Variants in EPM2A observed in about 807,000 individuals in gnomAD.
The protein encoded by EPM2A is laforin.
In EPM2A, 21 loss-of-function variants were observed where a neutral mutation model predicts 26.5. That is an observed-to-expected ratio of 0.79 (90% confidence interval 0.56 to 1.14). EPM2A has a LOEUF of 1.14. EPM2A is among the 50% of genes most tolerant of loss of function. The pLI, the probability that EPM2A is intolerant of heterozygous loss-of-function variation, is 0.00. For missense variants in EPM2A, 458 were observed against 440.8 expected (o/e 1.04, Z -0.35); for synonymous variants, 217 against 177.6 (o/e 1.22, Z -1.76).
chr6:145,551,440 G>A (rs1030518694), intron 2 of EPM2A, among the ~76,000 whole-genome samples: 1 of 151,850 alleles, frequency 6.6e-6, no homozygotes, highest in East Asian at 1.9e-4. Context: ...CTAGTAAAAG[G>A]TTCCTTTAAA....
intron 2 of EPM2A, among the ~76,000 whole-genome samples, chr6:145,660,961 G>C (rs1210273638): frequency 6.6e-6 from 1 of 152,012 alleles, no homozygotes; most frequent in Non-Finnish European, 1.5e-5. Flanking sequence ...AGTTAATAAA[G>C]TATCAAGAAG....
intron 2 of EPM2A, among the ~76,000 whole-genome samples, chr6:145,558,244 G>A (rs1314315750): frequency 3.3e-5 from 5 of 151,910 alleles, no homozygotes; most frequent in Non-Finnish European, 7.4e-5. Context: ...GAACAGTTTG[G>A]GGGCATGATC....
At chr6:145,615,819 T>C (rs2128552907) in intron 2 of EPM2A, among the ~76,000 whole-genome samples, 1 of 150,864 alleles carries the variant, frequency 6.6e-6, no homozygotes, top group African/African-American at 2.4e-5. Context: ...TATGGAACTT[T>C]GAACTTGACA....
Position 145,627,592 on chromosome 6 carries a change from T to C in EPM2A, c.820A>G (p.Thr274Ala), listed in dbSNP as rs1428501712. Residue 274 changes from threonine (T) to alanine (A), a missense_variant, in exon 4 of 4, where the codon ACC (threonine) becomes GCC (alanine). Coordinates refer to ENST00000367519, the MANE Select transcript of EPM2A (RefSeq NM_005670.4). ...VHCNAGVGRSTAAVCGWLQYV... is the reference protein window; with the variant it reads ...VHCNAGVGRSAAAVCGWLQYV... Reference sequence around the variant, plus strand: ...TGGAGCCAGCCGCAGACAGCCGCGGTGGAGCGGCCCACCCCAGCGTTGCAG... The same window carrying C: ...TGGAGCCAGCCGCAGACAGCCGCGGCGGAGCGGCCCACCCCAGCGTTGCAG... 2 of 1,614,100 alleles carry C rather than the reference T, an allele frequency of 1.2e-6. No individual in the cohort carries two copies. Among genetic ancestry groups the C allele is most frequent in the African/African-American group, 2.7e-5 (2 of 74,944 alleles).
chr6:145,455,060 C>T (rs1259920632), intron 4 of EPM2A, among the ~76,000 whole-genome samples: 1 of 146,712 alleles, frequency 6.8e-6, no homozygotes, highest in Non-Finnish European at 1.6e-5. Flanking sequence ...CACACATATA[C>T]ACTTATTTAT....
At chr6:145,699,497 G>T (rs1049811231) in intron 1 of EPM2A, among the ~76,000 whole-genome samples, 2 of 152,158 alleles carry the variant, frequency 1.3e-5, no homozygotes, top group African/African-American at 4.8e-5. Flanking sequence ...ATCAGTATGG[G>T]CTAGAATTAC....
intron 4 of EPM2A, chr6:145,490,161 C>A: frequency 9.5e-7 from 1 of 1,052,158 alleles, no homozygotes; most frequent in East Asian, 2.4e-5. Context: ...ACTGAAAGAA[C>A]TTCTTCCATT....
At position 145,717,891 on chromosome 6, in the gene EPM2A, C is replaced by T. The variant is rs1775725014; in HGVS notation, c.301+17307G>A. Among the ~76,000 whole-genome samples, 8 of 151,526 alleles carry T rather than the reference C, an allele frequency of 5.3e-5. No individual in the cohort carries two copies. In the Admixed American group the frequency reaches 5.3e-4, roughly 10 times the overall value. ...CAATTCCTTCAAAGAGAATAAAATA[C>T]CTAGGAATCCAACTTACAAGGGATG... is the stretch of plus-strand genomic sequence containing the variant. On this transcript the variant is annotated intron_variant, in intron 1 of 3. Transcript: ENST00000367519.
At chr6:145,562,065 A>G (rs1780812975) in intron 2 of EPM2A, among the ~76,000 whole-genome samples, 1 of 151,880 alleles carries the variant, frequency 6.6e-6, no homozygotes, top group Non-Finnish European at 1.5e-5. Flanking sequence ...AATTTTTCCA[A>G]AAAATATACA....
At chr6:145,713,450 T>C (rs1319395947) in intron 1 of EPM2A, among the ~76,000 whole-genome samples, 3 of 152,212 alleles carry the variant, frequency 2.0e-5, no homozygotes, top group African/African-American at 7.2e-5. Flanking sequence ...TACATATGTG[T>C]GTATCTTCCA....
chr6:145,396,156 C>T (rs1216471771), intron 4 of EPM2A, among the ~76,000 whole-genome samples: 1 of 152,128 alleles, frequency 6.6e-6, no homozygotes, highest in Non-Finnish European at 1.5e-5. Flanking sequence ...AGTCCAGAGA[C>T]ATTTCTCTGA....
At chr6:145,695,020 C>T (rs1781492269) in intron 1 of EPM2A, among the ~76,000 whole-genome samples, 1 of 151,916 alleles carries the variant, frequency 6.6e-6, no homozygotes, top group African/African-American at 2.4e-5. Flanking sequence ...TAGTCTTTTG[C>T]TTGAAAGGTG....
intron 2 of EPM2A, among the ~76,000 whole-genome samples, chr6:145,564,533 G>A (rs1314475410): frequency 1.3e-5 from 2 of 152,182 alleles, no homozygotes; most frequent in Non-Finnish European, 1.5e-5. Flanking sequence ...GCCACTGTAT[G>A]ATCAGTTAGC....
intron 1 of EPM2A, among the ~76,000 whole-genome samples, chr6:145,710,654 A>G (rs1019668009): frequency 2.0e-5 from 3 of 152,152 alleles, no homozygotes; most frequent in Non-Finnish European, 2.9e-5. Flanking sequence ...TCATGCTGCT[A>G]TAAAGACACA....
chr6:145,391,191 A>C (rs1040065948), intron 4 of EPM2A, among the ~76,000 whole-genome samples: 1 of 152,126 alleles, frequency 6.6e-6, no homozygotes, highest in Admixed American at 6.6e-5. Context: ...GCTAACCACC[A>C]TTAAGCTTTC....
chr6:145,431,712 T>G (rs1052628263), intron 4 of EPM2A, among the ~76,000 whole-genome samples: 1 of 152,222 alleles, frequency 6.6e-6, no homozygotes, highest in Admixed American at 6.5e-5. Flanking sequence ...TTACTGAAGA[T>G]GAGTGTGACT....
chr6:145,475,618 A>T (rs1234423403), intron 4 of EPM2A, among the ~76,000 whole-genome samples: 1 of 152,124 alleles, frequency 6.6e-6, no homozygotes, highest in Non-Finnish European at 1.5e-5. Flanking sequence ...ATCATTAAAA[A>T]AAAAAATTTA....
chr6:145,723,210 A>G (rs1299529671), intron 1 of EPM2A, among the ~76,000 whole-genome samples: 1 of 152,182 alleles, frequency 6.6e-6, no homozygotes, highest in Non-Finnish European at 1.5e-5. Flanking sequence ...CAAATGAAAG[A>G]GTGGAGTAAA....
intron 4 of EPM2A, among the ~76,000 whole-genome samples, chr6:145,485,537 A>G (rs6934750): frequency 0.066 from 9,975 of 152,152 alleles, 1,076 homozygotes; most frequent in African/African-American, 0.22. Flanking sequence ...GAAGGAAGCA[A>G]ACAGGGTTGA....
Sources: gnomAD v4.1 joint callset for allele counts (sites outside exome capture counted in the v4.1 genomes callset) on GRCh38, gnomAD v4.1.1 for gene constraint, MANE v1.5 for transcripts, NCBI Gene and HGNC (gene_info 2026-07-23, HGNC 2026-07-21) for gene names.